The following NFIB variants were observed in gnomAD, a reference collection of about 807,000 sequenced individuals.
The protein encoded by NFIB is nuclear factor 1 B-type.
NFIB carries 11 observed loss-of-function variants against 61.5 expected under a neutral mutation model. The observed-to-expected ratio is 0.18, with a 90% CI of 0.11 to 0.30. The LOEUF (loss-of-function observed/expected upper bound fraction) is 0.30, where lower values mean the gene tolerates loss of function less well. Ranked by LOEUF, NFIB falls within the 10% of genes least tolerant of loss-of-function variation. NFIB has a pLI of 1.00. For missense variants in NFIB, 471 were observed against 608.9 expected (o/e 0.77, Z 2.38); for synonymous variants, 260 against 216.5 (o/e 1.20, Z -1.76).
chr9:14,197,022 A>C (rs1236264274), intron 2 of NFIB, among the ~76,000 whole-genome samples: 1 of 152,250 alleles, frequency 6.6e-6, no homozygotes, highest in African/African-American at 2.4e-5. Context: ...ACTGACAATA[A>C]GGCTCTTTCT....
At chr9:14,426,254 C>G in the NFIB span, among the ~76,000 whole-genome samples, 2 of 152,190 alleles carry the variant, frequency 1.3e-5, no homozygotes, top group African/African-American at 4.8e-5. Context: ...TTTTCCCTGT[C>G]TTTATCCTGC....
chr9:14,300,718 T>A (rs1486624238), intron 2 of NFIB, among the ~76,000 whole-genome samples: 2 of 152,206 alleles, frequency 1.3e-5, no homozygotes, highest in Non-Finnish European at 2.9e-5. Context: ...TTTTAAGAAA[T>A]CCTGTGAATT....
At chr9:14,495,446 CTTTTT>C in the NFIB span, among the ~76,000 whole-genome samples, 1 of 117,260 alleles carries the variant, frequency 8.5e-6, no homozygotes, top group African/African-American at 3.8e-5. Flanking sequence ...GAGAAATGAA[CTTTTT>C]TTTTTTTTTT....
intron 6 of NFIB, among the ~76,000 whole-genome samples, chr9:14,143,991 A>AGTGTGTGT (rs141101627): frequency 0.047 from 6,302 of 134,134 alleles, 223 homozygotes; most frequent in African/African-American, 0.08. Flanking sequence ...AAAGTGACAG[A>AGTGTGTGT]GTGTGTGTGT....
the NFIB span, among the ~76,000 whole-genome samples, chr9:14,488,704 T>C: frequency 6.6e-6 from 1 of 152,208 alleles, no homozygotes; most frequent in Non-Finnish European, 1.5e-5. Flanking sequence ...GTAATGATTC[T>C]AACTGCTGGT....
chr9:14,463,680 T>TTC, the NFIB span, among the ~76,000 whole-genome samples: 2 of 59,206 alleles, frequency 3.4e-5, no homozygotes, highest in South Asian at 1.2e-3. Context: ...TTTTTTTTTT[T>TTC]TTGAGACGGA....
intron 10 of NFIB, among the ~76,000 whole-genome samples, chr9:14,092,151 T>C (rs142236264): frequency 3.3e-5 from 5 of 152,244 alleles, no homozygotes; most frequent in East Asian, 1.9e-4. Context: ...CCTAACTTTA[T>C]GGCATTTACT....
intron 2 of NFIB, among the ~76,000 whole-genome samples, chr9:14,289,317 A>G (rs916359300): frequency 4.0e-5 from 6 of 151,430 alleles, no homozygotes; most frequent in African/African-American, 1.5e-4. Context: ...AGAATCAACA[A>G]GCCCACTGTA....
intron 1 of NFIB, among the ~76,000 whole-genome samples, chr9:14,370,323 T>C (rs1248009813): frequency 6.6e-6 from 1 of 152,214 alleles, no homozygotes. Context: ...TATGGAGCCA[T>C]AAGGTCAAGG....
chr9:14,135,008 T>G (rs919842061), intron 6 of NFIB, among the ~76,000 whole-genome samples: 1 of 151,614 alleles, frequency 6.6e-6, no homozygotes, highest in African/African-American at 2.4e-5. Flanking sequence ...CTCAATTTAC[T>G]GCAAAAATAC....
At chr9:14,489,838 T>A in the NFIB span, among the ~76,000 whole-genome samples, 1 of 152,092 alleles carries the variant, frequency 6.6e-6, no homozygotes, top group Non-Finnish European at 1.5e-5. Flanking sequence ...TTAGAGAACA[T>A]TCCATCTTAG....
chr9:14,174,750 G>C lies in NFIB; in HGVS notation c.616+4977C>G, dbSNP rs999904727. ...CCACTGCACTCCATCCTGGGCGACA[G>C]AGTGAGACTCCATCTCAAAAAAAAA... On this transcript the variant is annotated intron_variant, in intron 3 of 10. Transcript: ENST00000380953. Among the ~76,000 whole-genome samples, 72 of 142,042 alleles carry C rather than the reference G, an allele frequency of 5.1e-4. 1 individual carries two copies. The highest frequency in any genetic ancestry group is 1.9e-3 in the African/African-American group (69 of 37,246). The allele number at this position is 142,042 out of a possible 152,430, so 93.2% of individuals were successfully genotyped here. A position where few individuals can be genotyped will look rare whatever the true frequency, so the allele number is the denominator to read the frequency against.
chr9:14,321,349 GAAGA>G (rs1173450792), intron 1 of NFIB, among the ~76,000 whole-genome samples: 1 of 152,208 alleles, frequency 6.6e-6, no homozygotes, highest in East Asian at 1.9e-4. Flanking sequence ...GGGGGGTGCG[GAAGA>G]AAGGCTAACA....
the NFIB span, among the ~76,000 whole-genome samples, chr9:14,425,579 G>A: frequency 2.0e-5 from 3 of 148,164 alleles, no homozygotes; most frequent in African/African-American, 5.0e-5. Flanking sequence ...GAATTTTAGT[G>A]TGATTGAAAT....
chr9:14,129,668 A>T (rs2040166155), intron 6 of NFIB, among the ~76,000 whole-genome samples: 1 of 152,216 alleles, frequency 6.6e-6, no homozygotes, highest in East Asian at 1.9e-4. Flanking sequence ...AAGATACTTT[A>T]AAGTGACCTT....
At chr9:14,236,413 A>G (rs2053748598) in intron 2 of NFIB, among the ~76,000 whole-genome samples, 2 of 152,326 alleles carry the variant, frequency 1.3e-5, no homozygotes, top group South Asian at 4.1e-4. Context: ...CAAGCTGCTT[A>G]TGTTTGTAAT....
intron 2 of NFIB, among the ~76,000 whole-genome samples, chr9:14,225,671 T>C (rs1441924608): frequency 3.9e-5 from 6 of 151,936 alleles, no homozygotes; most frequent in African/African-American, 9.7e-5. Flanking sequence ...TAGAAAGTAA[T>C]AGTAAGTTTT....
chr9:14,523,793 C>T, the NFIB span, among the ~76,000 whole-genome samples: 17 of 152,218 alleles, frequency 1.1e-4, 1 homozygote, highest in Admixed American at 3.3e-4. Context: ...GGTGACAGGT[C>T]CGTCTGCTGC....
chr9:14,177,927 C>G (rs1020951236), intron 3 of NFIB, among the ~76,000 whole-genome samples: 1 of 152,116 alleles, frequency 6.6e-6, no homozygotes, highest in Admixed American at 6.5e-5. Context: ...CATAACTATT[C>G]AAGGATTATT....
Sources: allele counts gnomAD v4.1 joint callset (sites outside exome capture counted in the v4.1 genomes callset), GRCh38; gene constraint gnomAD v4.1.1; transcripts MANE v1.5; gene names NCBI Gene and HGNC (gene_info 2026-07-23, HGNC 2026-07-21).